Variants in TENM2 observed in about 807,000 individuals in gnomAD.
TENM2 encodes teneurin-2.
Under a neutral mutation model 245.2 loss-of-function variants are expected in TENM2, and 52 were observed. The observed-to-expected ratio is 0.21, with a 90% CI of 0.17 to 0.27. The LOEUF (loss-of-function observed/expected upper bound fraction) is 0.27, where lower values mean the gene tolerates loss of function less well. TENM2 is among the 10% of genes least tolerant of loss of function. TENM2 has a pLI of 1.00. For missense variants in TENM2, 3,046 were observed against 3,666.8 expected, an observed-to-expected ratio of 0.83 and a Z score of 4.37; for synonymous variants, 1,363 against 1,438.9, an observed-to-expected ratio of 0.95 and a Z score of 1.19.
the TENM2 span, among the ~76,000 whole-genome samples, chr5:167,050,356 T>A: frequency 6.6e-6 from 1 of 152,114 alleles, no homozygotes; most frequent in Non-Finnish European, 1.5e-5. Flanking sequence ...ATCTAAGTAA[T>A]GCCTCATGAT....
rs140725054 is a variant in TENM2 at position 168,013,113 on chromosome 5, T to G, written c.1186+19931T>G. Among the ~76,000 whole-genome samples, 174 of 152,208 alleles carry G rather than the reference T, an allele frequency of 1.1e-3. 1 individual carries two copies. The highest frequency in any genetic ancestry group is 6.2e-3 in the East Asian group (32 of 5,184). ...CCATTCCCAGCCCCCAACACACACT[T>G]ACACACACATACACATCCCAGCAAA... On this transcript the variant is annotated intron_variant, in intron 5 of 28. Transcript: ENST00000518659.
At chr5:167,768,433 T>C (rs1763181866) in intron 2 of TENM2, among the ~76,000 whole-genome samples, 1 of 152,214 alleles carries the variant, frequency 6.6e-6, no homozygotes, top group Admixed American at 6.5e-5. Flanking sequence ...AAAACGTTTG[T>C]TATGTGCAAA....
At chr5:168,050,257 G>A (rs1363195622) in intron 6 of TENM2, among the ~76,000 whole-genome samples, 1 of 152,130 alleles carries the variant, frequency 6.6e-6, no homozygotes, top group African/African-American at 2.4e-5. Context: ...TTTAAGGTTT[G>A]GCTTATAAAA....
intron 10 of TENM2, among the ~76,000 whole-genome samples, chr5:168,122,164 C>T (rs1034230099): frequency 9.0e-5 from 13 of 145,152 alleles, no homozygotes; most frequent in African/African-American, 3.0e-4. Flanking sequence ...CCTGCACAGA[C>T]CTTTGTCTTT....
In TENM2 at chr5:167,715,900, A is replaced by G. The variant is rs540150344; in HGVS notation, c.503-160086A>G. On this transcript the variant is annotated intron_variant, in intron 2 of 28. Coordinates refer to ENST00000518659, the Ensembl canonical transcript of TENM2. ...CGTTATTAGGGATTAAACAAATTAT[A>G]TTTTTTTAAGCGACTGAACATGTTT... 2.0e-5 allele frequency among the ~76,000 whole-genome samples: 3 copies of G among 152,332 alleles called. No individual in the cohort carries two copies. In the South Asian group the frequency reaches 6.2e-4, roughly 32 times the overall value.
intron 5 of TENM2, among the ~76,000 whole-genome samples, chr5:168,006,702 C>A (rs1417990604): frequency 1.3e-5 from 2 of 152,148 alleles, no homozygotes; most frequent in African/African-American, 4.8e-5. Flanking sequence ...AGCCTGTTCA[C>A]GGAGCCACAG....
chr5:167,888,025 T>A (rs960867805), intron 3 of TENM2, among the ~76,000 whole-genome samples: 1 of 152,154 alleles, frequency 6.6e-6, no homozygotes, highest in Non-Finnish European at 1.5e-5. Flanking sequence ...TCTCTCCTTA[T>A]AGGGATACCA....
chr5:167,898,215 A>G (rs928586907), intron 3 of TENM2, among the ~76,000 whole-genome samples: 1 of 152,126 alleles, frequency 6.6e-6, no homozygotes, highest in Non-Finnish European at 1.5e-5. Flanking sequence ...ACAGACAAAC[A>G]ACATCACCAG....
At chr5:168,252,241 A>G (rs115090213) in intron 27 of TENM2, among the ~76,000 whole-genome samples, 3,969 of 151,826 alleles carry the variant, frequency 0.026, 189 homozygotes, top group African/African-American at 0.091. Flanking sequence ...AGCCAAGTGT[A>G]GTGGTGCACA....
intron 6 of TENM2, among the ~76,000 whole-genome samples, chr5:168,049,417 G>T (rs188862290): frequency 6.6e-6 from 1 of 152,178 alleles, no homozygotes; most frequent in Admixed American, 6.5e-5. Context: ...CAGAGAAATT[G>T]TTTATATGTG....
chr5:167,160,128 GT>G, the TENM2 span, among the ~76,000 whole-genome samples: 1 of 152,238 alleles, frequency 6.6e-6, no homozygotes, highest in Non-Finnish European at 1.5e-5. Flanking sequence ...AGCCATGTGA[GT>G]TAAGAGTTAA....
At chr5:167,547,551 C>T (rs947172580) in intron 2 of TENM2, among the ~76,000 whole-genome samples, 2 of 152,144 alleles carry the variant, frequency 1.3e-5, no homozygotes, top group African/African-American at 4.8e-5. Context: ...GAGATTCATG[C>T]CAAAATACAG....
the TENM2 span, among the ~76,000 whole-genome samples, chr5:167,226,999 G>C: frequency 6.6e-6 from 1 of 151,794 alleles, no homozygotes; most frequent in Non-Finnish European, 1.5e-5. Context: ...ATAACTTAAA[G>C]TCTGTTTTAA....
chr5:167,790,569 TGCCTGG>T (rs1764879528), intron 2 of TENM2, among the ~76,000 whole-genome samples: 2 of 152,136 alleles, frequency 1.3e-5, no homozygotes, highest in Non-Finnish European at 2.9e-5. Context: ...AACGTTGCAG[TGCCTGG>T]ACCCTTCAGA....
intron 2 of TENM2, among the ~76,000 whole-genome samples, chr5:167,377,063 G>T (rs1760793148): frequency 6.6e-6 from 1 of 152,024 alleles, no homozygotes; most frequent in Admixed American, 6.6e-5. Flanking sequence ...TCCCATTTAA[G>T]TTATATGCAT....
intron 5 of TENM2, among the ~76,000 whole-genome samples, chr5:168,020,641 C>T (rs947068821): frequency 6.6e-5 from 10 of 152,166 alleles, no homozygotes; most frequent in African/African-American, 2.4e-4. Context: ...TTCAGTGATT[C>T]GTGGTTGGGT....
chr5:167,137,148 C>A, the TENM2 span, among the ~76,000 whole-genome samples: 25 of 152,226 alleles, frequency 1.6e-4, no homozygotes, highest in African/African-American at 5.8e-4. Context: ...AACATGACCT[C>A]CTCTAATCCT....
intron 15 of TENM2, among the ~76,000 whole-genome samples, chr5:168,196,921 A>G (rs1002401062): frequency 2.0e-5 from 3 of 152,130 alleles, no homozygotes; most frequent in African/African-American, 4.8e-5. Context: ...CACTTCCCAG[A>G]TCATCTATCC....
intron 2 of TENM2, among the ~76,000 whole-genome samples, chr5:167,557,827 C>G (rs949140230): frequency 1.3e-5 from 2 of 152,166 alleles, no homozygotes; most frequent in Non-Finnish European, 2.9e-5. Context: ...AGAGAATTAT[C>G]TGGCCCAACA....
Sources: allele counts gnomAD v4.1 joint callset (sites outside exome capture counted in the v4.1 genomes callset), GRCh38; gene constraint gnomAD v4.1.1; transcripts MANE v1.5; gene names NCBI Gene and HGNC (gene_info 2026-07-23, HGNC 2026-07-21).